Variants in ELAVL2 observed in about 807,000 individuals in gnomAD.
ELAVL2 encodes ELAV like RNA binding protein 2.
ELAVL2 carries 4 observed loss-of-function variants against 34.6 expected under a neutral mutation model. That is an observed-to-expected ratio of 0.12 (90% confidence interval 0.06 to 0.26). ELAVL2 has a LOEUF of 0.26. Ranked by LOEUF, ELAVL2 falls within the 10% of genes least tolerant of loss-of-function variation. The pLI is 1.00. For synonymous variants in ELAVL2, 193 were observed against 154.8 expected, an observed-to-expected ratio of 1.25 and a Z score of -1.83; for missense variants, 432 against 442.8, an observed-to-expected ratio of 0.98 and a Z score of 0.22.
intron 1 of ELAVL2, among the ~76,000 whole-genome samples, chr9:23,806,724 A>G (rs1186942368): frequency 6.6e-6 from 1 of 152,322 alleles, no homozygotes; most frequent in East Asian, 1.9e-4. Flanking sequence ...TGAAAGTAAC[A>G]TTTAAGTTGT....
At chr9:23,708,084 T>C (rs1372811142) in intron 3 of ELAVL2, among the ~76,000 whole-genome samples, 1 of 152,190 alleles carries the variant, frequency 6.6e-6, no homozygotes, top group Admixed American at 6.5e-5. Flanking sequence ...CAGTTTATAT[T>C]GTATCTTTAG....
chr9:23,835,891 G>A, the ELAVL2 span, among the ~76,000 whole-genome samples: 12 of 152,224 alleles, frequency 7.9e-5, no homozygotes, highest in East Asian at 1.5e-3. Context: ...TTCAATAGGC[G>A]TCTGTCTGCA....
intron 1 of ELAVL2, among the ~76,000 whole-genome samples, chr9:23,776,800 C>G (rs2058276509): frequency 6.8e-6 from 1 of 146,792 alleles, no homozygotes; most frequent in African/African-American, 2.5e-5. Flanking sequence ...ACTACCACTT[C>G]TAACTTCAAT....
At chr9:23,799,584 ATAAGAT>A (rs2061350399) in intron 1 of ELAVL2, among the ~76,000 whole-genome samples, 2 of 152,184 alleles carry the variant, frequency 1.3e-5, no homozygotes, top group South Asian at 4.1e-4. Flanking sequence ...TTCCAACTTA[ATAAGAT>A]TAATTCTTTG....
At chr9:23,736,721 A>G (rs1384661232) in intron 2 of ELAVL2, among the ~76,000 whole-genome samples, 2 of 152,142 alleles carry the variant, frequency 1.3e-5, no homozygotes, top group Admixed American at 1.3e-4. Flanking sequence ...TCACTGCTAC[A>G]CTATCCTAAT....
chr9:23,791,779 A>T (rs568015644), intron 1 of ELAVL2, among the ~76,000 whole-genome samples: 1 of 152,290 alleles, frequency 6.6e-6, no homozygotes, highest in Admixed American at 6.5e-5. Context: ...AACCAACACT[A>T]CCAAAACCTT....
At chr9:23,694,443 C>CT (rs1440376752) in intron 5 of ELAVL2, among the ~76,000 whole-genome samples, 1 of 152,140 alleles carries the variant, frequency 6.6e-6, no homozygotes, top group Non-Finnish European at 1.5e-5. Flanking sequence ...ATTATGTGTT[C>CT]TGAGGAGGAG....
intron 1 of ELAVL2, among the ~76,000 whole-genome samples, chr9:23,787,086 C>G (rs941563260): frequency 2.6e-5 from 4 of 152,000 alleles, no homozygotes; most frequent in African/African-American, 4.8e-5. Flanking sequence ...GATATATATA[C>G]GGCAAATGTG....
chr9:23,787,824 T>C (rs1004571303), intron 1 of ELAVL2, among the ~76,000 whole-genome samples: 10 of 152,298 alleles, frequency 6.6e-5, no homozygotes, highest in African/African-American at 1.9e-4. Context: ...GTAAGACAAG[T>C]GGACTATCAG....
At chr9:23,760,373 C>T (rs2054688917) in intron 2 of ELAVL2, among the ~76,000 whole-genome samples, 1 of 151,878 alleles carries the variant, frequency 6.6e-6, no homozygotes, top group African/African-American at 2.4e-5. Context: ...CTCTACTAAG[C>T]AATCAGAAAT....
At chr9:23,806,515 T>G (rs536679687) in intron 1 of ELAVL2, among the ~76,000 whole-genome samples, 1 of 151,958 alleles carries the variant, frequency 6.6e-6, no homozygotes, top group African/African-American at 2.4e-5. Flanking sequence ...AGCATGCCTA[T>G]AGACCCAACT....
chr9:23,756,852 G>C (rs1483156149), intron 2 of ELAVL2, among the ~76,000 whole-genome samples: 1 of 152,040 alleles, frequency 6.6e-6, no homozygotes. Flanking sequence ...CCTAGCTAAC[G>C]AGTACCTTCC....
At chr9:23,754,484 G>A (rs2053030818) in intron 2 of ELAVL2, among the ~76,000 whole-genome samples, 3 of 151,258 alleles carry the variant, frequency 2.0e-5, no homozygotes, top group Non-Finnish European at 4.4e-5. Flanking sequence ...ATGGAGTCTT[G>A]CTCTGTCACA....
At chr9:23,699,833 T>TTTTTG in intron 5 of ELAVL2, among the ~76,000 whole-genome samples, 2 of 87,158 alleles carry the variant, frequency 2.3e-5, no homozygotes, top group African/African-American at 1.0e-4. Context: ...TTTTTTTTTT[T>TTTTTG]TTTTTTTTTT....
In ELAVL2 at chr9:23,721,063, C is replaced by T. The variant is rs547097219; in HGVS notation, c.333+9959G>A. ...TTTCCTAGATAGCTCATAACAACCA[C>T]GGATGCCAAGCCCTTTTCCTTGCCA... is the stretch of plus-strand genomic sequence containing the variant. On this transcript the variant is annotated intron_variant, in intron 3 of 6. Transcript: ENST00000397312. Among the ~76,000 whole-genome samples, 7 of 152,320 alleles carry T rather than the reference C, an allele frequency of 4.6e-5. No individual in the cohort carries two copies. The South Asian group carries it at 8.3e-4, about 18-fold the overall frequency.
rs564859367 is a variant in ELAVL2 at position 23,707,328 on chromosome 9, C to T, written c.334-2257G>A. ...TTCTCGTGTAAGATTCTCAATTATC[C>T]AGAAAAGGTGAAACCTCACCAGCTG... is the stretch of plus-strand genomic sequence containing the variant. On this transcript the variant is annotated intron_variant, in intron 3 of 6. Transcript: ENST00000397312. 4.9e-4 allele frequency among the ~76,000 whole-genome samples: 74 copies of T among 152,280 alleles called. 1 individual carries two copies. The highest frequency in any genetic ancestry group is 3.5e-4 in the Non-Finnish European group (24 of 68,026).
At chr9:23,826,370 C>T (rs1391723452), upstream of ELAVL2, 1 of 152,340 alleles carries the variant, frequency 6.6e-6, no homozygotes, top group Non-Finnish European at 1.5e-5. Context: ...AAGTATACGC[C>T]GAATCGCGCC....
At chr9:23,719,909 T>G (rs1285966555) in intron 3 of ELAVL2, among the ~76,000 whole-genome samples, 4 of 151,814 alleles carry the variant, frequency 2.6e-5, no homozygotes, top group East Asian at 1.9e-4. Flanking sequence ...TACTGCAACT[T>G]CCGCCTCCCG....
At chr9:23,709,762 G>A (rs2040432618) in intron 3 of ELAVL2, among the ~76,000 whole-genome samples, 2 of 152,102 alleles carry the variant, frequency 1.3e-5, no homozygotes, top group South Asian at 2.1e-4. Context: ...ACTTAAACAG[G>A]TGAATATTTA....
Sources: allele counts gnomAD v4.1 joint callset (sites outside exome capture counted in the v4.1 genomes callset), GRCh38; gene constraint gnomAD v4.1.1; transcripts MANE v1.5; gene names NCBI Gene and HGNC (gene_info 2026-07-23, HGNC 2026-07-21).